REEP3: variants seen among roughly 807,000 people sequenced by gnomAD.
The protein encoded by REEP3 is receptor accessory protein 3, also known as receptor expression-enhancing protein 3.
In REEP3, 20 loss-of-function variants were observed where a neutral mutation model predicts 41.3. That is an observed-to-expected ratio of 0.48 (90% CI 0.34 to 0.70). The LOEUF is 0.70. REEP3 is among the 30% of genes least tolerant of loss of function. The pLI is 0.01. For synonymous variants in REEP3, 104 were observed against 101.8 expected (o/e 1.02, Z -0.13); for missense variants, 271 against 308.8 (o/e 0.88, Z 0.92).
intron 2 of REEP3, among the ~76,000 whole-genome samples, chr10:63,586,749 C>G (rs34577847): frequency 0.28 from 42,016 of 151,930 alleles, 6,141 homozygotes; most frequent in African/African-American, 0.32. Context: ...CCAGGCTGGT[C>G]TGGAACTCCT....
In REEP3 at chr10:63,594,767, A is replaced by C. The variant is rs372027225; in HGVS notation, c.106-11A>C. 1 of 1,571,872 alleles carries C rather than the reference A, an allele frequency of 6.4e-7. No individual in the cohort carries two copies. Among genetic ancestry groups the C allele is most frequent in the Non-Finnish European group, 8.8e-7 (1 of 1,141,868 alleles). ...CATCTGTTGTTTCATGAGTATTTTT[A>C]TTATTTCCAGGTTCGATGGATGATG... On this transcript the variant is annotated splice_polypyrimidine_tract_variant and intron_variant, in intron 2 of 7. Coordinates refer to ENST00000373758, the MANE Select transcript of REEP3 (RefSeq NM_001001330.3).
intron 1 of REEP3, among the ~76,000 whole-genome samples, chr10:63,536,712 TCATAGAA>T (rs1434953333): frequency 6.6e-6 from 1 of 152,142 alleles, no homozygotes; most frequent in Non-Finnish European, 1.5e-5. Context: ...AACTGGTATC[TCATAGAA>T]GAGGAAACCA....
intron 1 of REEP3, among the ~76,000 whole-genome samples, chr10:63,523,798 AAGG>A (rs1319652029): frequency 1.3e-5 from 2 of 152,206 alleles, no homozygotes; most frequent in Non-Finnish European, 2.9e-5. Context: ...GCAAGCTGGA[AAGG>A]TAGCCTGGGG....
At chr10:63,578,789 T>C (rs1659951092) in intron 2 of REEP3, among the ~76,000 whole-genome samples, 1 of 152,108 alleles carries the variant, frequency 6.6e-6, no homozygotes. Flanking sequence ...AACATAAAAA[T>C]AAAAATAAAG....
At chr10:63,538,729 A>G (rs1955498815) in intron 1 of REEP3, among the ~76,000 whole-genome samples, 1 of 152,060 alleles carries the variant, frequency 6.6e-6, no homozygotes, top group Non-Finnish European at 1.5e-5. Flanking sequence ...GCGAGACTCC[A>G]TCTCAAAAAA....
intron 6 of REEP3, among the ~76,000 whole-genome samples, chr10:63,612,739 C>T (rs999388916): frequency 1.3e-5 from 2 of 150,760 alleles, no homozygotes; most frequent in African/African-American, 2.4e-5. Context: ...TGCAGTGAGC[C>T]GAGATTGCGC....
intron 1 of REEP3, among the ~76,000 whole-genome samples, chr10:63,547,875 C>T (rs1955593059): frequency 6.6e-6 from 1 of 152,172 alleles, no homozygotes; most frequent in Admixed American, 6.5e-5. Flanking sequence ...CAGAAAAATA[C>T]CACTACAAAC....
intron 1 of REEP3, among the ~76,000 whole-genome samples, chr10:63,529,583 C>T (rs1350457803): frequency 1.3e-5 from 2 of 152,100 alleles, no homozygotes; most frequent in Non-Finnish European, 2.9e-5. Flanking sequence ...CTACCTCAGC[C>T]TCCCAGGTAG....
chr10:63,573,200 C>T (rs919024869), intron 2 of REEP3, among the ~76,000 whole-genome samples: 1 of 152,200 alleles, frequency 6.6e-6, no homozygotes, highest in Non-Finnish European at 1.5e-5. Flanking sequence ...TGTATTTTGG[C>T]AACCTTCCTT....
intron 7 of REEP3, among the ~76,000 whole-genome samples, chr10:63,620,564 T>G (rs1207010280): frequency 6.9e-6 from 1 of 145,168 alleles, no homozygotes; most frequent in Non-Finnish European, 1.5e-5. Context: ...GACATTGTAC[T>G]AAGCAAAACA....
chr10:63,521,603 A>T, intron 1 of REEP3, 26 bp downstream of exon 1: 1 of 1,388,046 alleles, frequency 7.2e-7, no homozygotes. Context: ...TGCGCCCTGC[A>T]GCCGGCGCGA....
intron 1 of REEP3, 78 bp from the exon 2 acceptor site, chr10:63,566,260 G>A: frequency 1.3e-6 from 1 of 751,052 alleles, no homozygotes; most frequent in Non-Finnish European, 2.2e-6. Flanking sequence ...ACAGTTATTT[G>A]TTTATTAGGT....
Position 63,560,175 on chromosome 10 carries a change from T to C in REEP3, c.33-6163T>C, listed in dbSNP as rs564365915. Among the ~76,000 whole-genome samples the C allele has an allele frequency of 1.0e-3, 158 of 152,278 alleles. 1 individual carries two copies. The highest frequency in any genetic ancestry group is 3.7e-3 in the African/African-American group (153 of 41,572). ...TAATAGGTAATGGAGATTTATTATA[T>C]TCATACTATTCTATTTCTACATATT... is the stretch of plus-strand genomic sequence containing the variant. On this transcript the variant is annotated intron_variant, in intron 1 of 7. Transcript: ENST00000373758.
chr10:63,528,076 T>C (rs1411991644), intron 1 of REEP3, among the ~76,000 whole-genome samples: 3 of 152,178 alleles, frequency 2.0e-5, no homozygotes, highest in African/African-American at 7.2e-5. Flanking sequence ...GATCAGTCCT[T>C]AGACCATTTT....
chr10:63,573,530 A>C (rs1955872014), intron 2 of REEP3, among the ~76,000 whole-genome samples: 1 of 152,198 alleles, frequency 6.6e-6, no homozygotes, highest in African/African-American at 2.4e-5. Context: ...TTTGGTTCTG[A>C]GATTTACTGT....
At position 63,536,104 on chromosome 10, in the gene REEP3, T is replaced by C. The variant is rs141154907; in HGVS notation, c.32+14527T>C. 3.2e-3 allele frequency among the ~76,000 whole-genome samples: 494 copies of C among 152,374 alleles called. 3 individuals carry two copies. The highest frequency in any genetic ancestry group is 0.012 in the African/African-American group (479 of 41,600). ...CTTCATGACACAGGTACTGCTGTTA[T>C]GTTCATTTCACCAATGAGAAACCTC... On this transcript the variant is annotated intron_variant, in intron 1 of 7. Coordinates refer to ENST00000373758, the MANE Select transcript of REEP3 (RefSeq NM_001001330.3).
At chr10:63,610,101 A>C (rs1956266177) in intron 5 of REEP3, 86 bp from the exon 6 acceptor site, 1 of 1,174,550 alleles carries the variant, frequency 8.5e-7, no homozygotes, top group African/African-American at 1.5e-5. Flanking sequence ...GCTTTTCTGA[A>C]GTTATCTTAA....
rs1956268034 is a variant in REEP3 at position 63,610,341 on chromosome 10, T to C, written c.565+7T>C. ...GCCCCCAGTGAATCAGCAGGTGTGC[T>C]TGTGTGTTTTAATATACGGTTCTTT... On this transcript the variant is annotated splice_region_variant and intron_variant, in intron 6 of 7. Transcript: ENST00000373758. 9 of 1,551,912 alleles carry C rather than the reference T, an allele frequency of 5.8e-6. No homozygotes were observed. The highest frequency in any genetic ancestry group is 7.8e-6 in the Non-Finnish European group (9 of 1,147,110).
chr10:63,583,601 C>T (rs1955975854), intron 2 of REEP3, among the ~76,000 whole-genome samples: 1 of 152,108 alleles, frequency 6.6e-6, no homozygotes, highest in African/African-American at 2.4e-5. Context: ...GGCCTAGGTG[C>T]CTAAGAAGTG....
Sources: allele counts gnomAD v4.1 joint callset (sites outside exome capture counted in the v4.1 genomes callset), GRCh38; gene constraint gnomAD v4.1.1; transcripts MANE v1.5; gene names NCBI Gene and HGNC (gene_info 2026-07-23, HGNC 2026-07-21).